Variants in YTHDC2 observed in about 807,000 individuals in gnomAD.
The protein encoded by YTHDC2 is YTH N6-methyladenosine RNA binding protein C2.
YTHDC2 carries 45 observed loss-of-function variants against 174.9 expected under a neutral mutation model. The ratio of observed to expected loss-of-function variants is 0.26; its 90% CI spans 0.20 to 0.33. The LOEUF is 0.33. Among genes scored for constraint, YTHDC2 ranks in the 10% least tolerant of loss-of-function variants. YTHDC2 has a pLI of 1.00. For missense variants in YTHDC2, 1,650 were observed against 1,723.7 expected (o/e 0.96, Z 0.76); for synonymous variants, 657 against 574.5 (o/e 1.14, Z -2.05).
At chr5:113,582,642 T>A (rs377338127) in intron 25 of YTHDC2, 4 of 152,190 alleles carry the variant, frequency 2.6e-5, no homozygotes, top group South Asian at 4.1e-4. Context: ...GATTTTATAG[T>A]TAAACTGAAA....
chr5:113,585,835 AT>A (rs1191817807), intron 26 of YTHDC2, among the ~76,000 whole-genome samples: 1 of 151,890 alleles, frequency 6.6e-6, no homozygotes, highest in Non-Finnish European at 1.5e-5. Flanking sequence ...AGTTTATCTA[AT>A]TACTGAGTAG....
Position 113,525,093 on chromosome 5 carries a change from A to AT in YTHDC2, c.393dup (p.Gln132SerfsTer8). On this transcript the variant is annotated frameshift_variant, in exon 3 of 30. Coordinates refer to ENST00000161863, the MANE Select transcript of YTHDC2 (RefSeq NM_022828.5). LOFTEE classifies it high-confidence loss of function. ...TACAAAACATGCTGTTAGGAGCCTA[A>AT]TTCAAAGATTTCCTGTCACCAATAA... 6.2e-7 allele frequency: 1 copy of AT among 1,612,394 alleles called. No individual in the cohort carries two copies. Among genetic ancestry groups the AT allele is most frequent in the East Asian group, 2.2e-5 (1 of 44,718 alleles).
intron 2 of YTHDC2, among the ~76,000 whole-genome samples, chr5:113,520,965 C>G: frequency 6.6e-6 from 1 of 152,102 alleles, no homozygotes; most frequent in East Asian, 1.9e-4. Context: ...TCTATGTGTC[C>G]ATGTGTTTTC....
chr5:113,550,568 C>T (rs913288450), intron 12 of YTHDC2, among the ~76,000 whole-genome samples: 2 of 151,652 alleles, frequency 1.3e-5, no homozygotes, highest in African/African-American at 4.8e-5. Flanking sequence ...AAGTGGTAAC[C>T]TCATTTTTCA....
intron 12 of YTHDC2, among the ~76,000 whole-genome samples, chr5:113,549,933 A>T (rs1000500222): frequency 6.8e-6 from 1 of 147,772 alleles, no homozygotes; most frequent in Non-Finnish European, 1.5e-5. Context: ...ATTCTTGTAA[A>T]TTAAAAATAT....
In YTHDC2 at chr5:113,567,646, C is replaced by T. The variant is rs1777435537; in HGVS notation, c.3049-8C>T. The T allele has an allele frequency of 6.3e-7, 1 of 1,576,440 alleles. No individual in the cohort carries two copies. The highest frequency in any genetic ancestry group is 8.6e-7 in the Non-Finnish European group (1 of 1,166,664). Reference sequence around the variant, plus strand: ...ATTAACAATTTTTAAAATTTATTTTCTTAATAGATTCCTCCAGCCAATGGT... The same window carrying T: ...ATTAACAATTTTTAAAATTTATTTTTTTAATAGATTCCTCCAGCCAATGGT... On this transcript the variant is annotated splice_region_variant and splice_polypyrimidine_tract_variant and intron_variant, in intron 22 of 29. Transcript: ENST00000161863.
intron 3 of YTHDC2, among the ~76,000 whole-genome samples, chr5:113,525,555 C>T (rs1425759137): frequency 6.6e-6 from 1 of 151,954 alleles, no homozygotes; most frequent in Non-Finnish European, 1.5e-5. Flanking sequence ...TTCGAGGACA[C>T]CAAACCAGCC....
rs569087741 is a variant in YTHDC2, at chr5:113,554,161, A to G, written c.2133+139A>G. On this transcript the variant is annotated intron_variant, in intron 16 of 29. Transcript: ENST00000161863. ...ACAGCTTGGACCAGCGCATGCTTTT[A>G]TAAGCAGAATTTACGAAAAATGTCT... 94 of 695,712 alleles carry G rather than the reference A, an allele frequency of 1.4e-4. No individual in the cohort carries two copies. In the African/African-American group the frequency reaches 1.5e-3, roughly 11 times the overall value. 43.1% of individuals were successfully genotyped at this position (695,712 alleles called of 1,614,324 possible).
At position 113,554,029 on chromosome 5, in the gene YTHDC2, A is replaced by G. The variant is rs201071857; in HGVS notation, c.2133+7A>G. On this transcript the variant is annotated splice_region_variant and intron_variant, in intron 16 of 29. Coordinates refer to ENST00000161863, the MANE Select transcript of YTHDC2 (RefSeq NM_022828.5). ...TTCTGGTAAGGTGAAAGAGGTATGT[A>G]TGGGTAAGTTGTAGTTTTACTTAAA... is the stretch of plus-strand genomic sequence containing the variant. The G allele has an allele frequency of 1.9e-5, 29 of 1,525,936 alleles. No homozygotes were observed. The highest frequency in any genetic ancestry group is 5.6e-5 in the African/African-American group (4 of 71,610). 94.5% of individuals were successfully genotyped at this position (1,525,936 alleles called of 1,614,324 possible). A position where few individuals can be genotyped will look rare whatever the true frequency, so the allele number is the denominator to read the frequency against.
intron 12 of YTHDC2, among the ~76,000 whole-genome samples, chr5:113,549,310 A>G (rs1370564278): frequency 6.6e-6 from 1 of 152,190 alleles, no homozygotes; most frequent in Non-Finnish European, 1.5e-5. Context: ...ACAATGAAGC[A>G]ATATAAAGAA....
At chr5:113,514,635 C>T (rs1305496018) in intron 1 of YTHDC2, among the ~76,000 whole-genome samples, 2 of 152,100 alleles carry the variant, frequency 1.3e-5, no homozygotes, top group East Asian at 1.9e-4. Flanking sequence ...CTGCGGTGAC[C>T]TGTGCAGTCT....
chr5:113,554,058 A>C (rs1776444585), intron 16 of YTHDC2, 36 bp downstream of exon 16: 1 of 1,439,320 alleles, frequency 6.9e-7, no homozygotes, highest in South Asian at 1.6e-5. Flanking sequence ...ACTTAAATGA[A>C]GAAGATTAAG....
At chr5:113,526,025 A>T (rs1774207593) in intron 3 of YTHDC2, among the ~76,000 whole-genome samples, 1 of 152,124 alleles carries the variant, frequency 6.6e-6, no homozygotes, top group Non-Finnish European at 1.5e-5. Context: ...GAAATTTGTT[A>T]ACATTAGGAC....
chr5:113,528,542 C>T (rs57134656), intron 4 of YTHDC2, among the ~76,000 whole-genome samples: 1 of 150,308 alleles, frequency 6.7e-6, no homozygotes, highest in African/African-American at 2.4e-5. Context: ...TTTTCTTTTG[C>T]GACAGCGCTT....
chr5:113,569,693 A>G (rs1253035800), intron 23 of YTHDC2, among the ~76,000 whole-genome samples: 3 of 152,124 alleles, frequency 2.0e-5, no homozygotes, highest in South Asian at 2.1e-4. Flanking sequence ...ATTCTGTTCC[A>G]TCATTCTATG....
intron 23 of YTHDC2, among the ~76,000 whole-genome samples, chr5:113,575,932 T>C (rs1258524577): frequency 1.3e-5 from 2 of 150,760 alleles, no homozygotes; most frequent in African/African-American, 2.4e-5. Context: ...TAGTAACTGC[T>C]AGATTGAATG....
At chr5:113,521,422 T>G (rs1294112211) in intron 2 of YTHDC2, among the ~76,000 whole-genome samples, 1 of 152,092 alleles carries the variant, frequency 6.6e-6, no homozygotes, top group Non-Finnish European at 1.5e-5. Flanking sequence ...TCAATTTAGC[T>G]TATAGTTCAT....
chr5:113,527,865 T>A (rs1316876882), intron 4 of YTHDC2, among the ~76,000 whole-genome samples: 1 of 152,084 alleles, frequency 6.6e-6, no homozygotes, highest in Admixed American at 6.6e-5. Context: ...CTCGGCTTAC[T>A]GCAACCTCAG....
At chr5:113,534,444 A>G in intron 6 of YTHDC2, 37 bp downstream of exon 6, 1 of 1,555,212 alleles carries the variant, frequency 6.4e-7, no homozygotes, top group East Asian at 2.3e-5. Flanking sequence ...TGTAACTCAG[A>G]TTGCTTAAAA....
Sources: gnomAD v4.1 joint callset for allele counts (sites outside exome capture counted in the v4.1 genomes callset) on GRCh38, gnomAD v4.1.1 for gene constraint, MANE v1.5 for transcripts, NCBI Gene and HGNC (gene_info 2026-07-23, HGNC 2026-07-21) for gene names.